Variants in MKRN2OS observed in about 807,000 individuals in gnomAD.
The protein encoded by MKRN2OS is MKRN2 opposite strand.
Under a neutral mutation model 18.2 loss-of-function variants are expected in MKRN2OS, and 17 were observed. The observed-to-expected ratio is 0.93, with a 90% CI of 0.64 to 1.40. The LOEUF (loss-of-function observed/expected upper bound fraction) is 1.40. Ranked by LOEUF, MKRN2OS falls within the 40% of genes most tolerant of loss-of-function variation. The pLI, the probability that MKRN2OS is intolerant of heterozygous loss-of-function variation, is 0.00. For synonymous variants in MKRN2OS, 121 were observed against 108.5 expected (o/e 1.12, Z -0.72); for missense variants, 337 against 283.0 (o/e 1.19, Z -1.37).
At chr3:12,544,597 G>A (rs937992154) in intron 1 of MKRN2OS, among the ~76,000 whole-genome samples, 8 of 151,670 alleles carry the variant, frequency 5.3e-5, no homozygotes, top group South Asian at 2.1e-4. Context: ...CCCGAAAATC[G>A]CTTGAACCCG....
chr3:12,547,880 A>G (rs2057898228), upstream of MKRN2OS, among the ~76,000 whole-genome samples: 1 of 152,262 alleles, frequency 6.6e-6, no homozygotes, highest in African/African-American at 2.4e-5. Flanking sequence ...GAGAATGATC[A>G]TCAGACTCAC....
At chr3:12,552,055 C>A (rs1163306595), downstream of MKRN2OS, among the ~76,000 whole-genome samples, 2 of 152,088 alleles carry the variant, frequency 1.3e-5, no homozygotes, top group African/African-American at 2.4e-5. Flanking sequence ...CACGGTGGCT[C>A]ACGCCTGTAA....
At position 12,545,421 on chromosome 3, in the gene MKRN2OS, T is replaced by C. The variant is rs1334906882; in HGVS notation, c.44A>G (p.His15Arg). 1 of 1,535,082 alleles carries C rather than the reference T, an allele frequency of 6.5e-7. No individual in the cohort carries two copies. The highest frequency in any genetic ancestry group is 1.2e-5 in the South Asian group (1 of 83,956). ...GAAGCTGTAGATGTATTTCTCACAG[T>C]GGTTGAATTTAATTAAAGCCTTCCC... ...EAGKALIKFN[H>R]CEKYIYSFSV... The change falls in exon 1 of 4, where the codon CAC becomes CGC. Residue 15 changes from histidine to arginine, a missense_variant. By Grantham distance (29) the His-to-Arg change is conservative. Transcript: ENST00000564146.
chr3:12,555,561 A>G (rs2057962135), intron 1 of MKRN2OS, among the ~76,000 whole-genome samples: 1 of 152,218 alleles, frequency 6.6e-6, no homozygotes, highest in Admixed American at 6.5e-5. Context: ...ACATGGAAAG[A>G]TCTCACAGAT....
At chr3:12,552,325 A>T (rs1380910218), downstream of MKRN2OS, among the ~76,000 whole-genome samples, 1 of 151,998 alleles carries the variant, frequency 6.6e-6, no homozygotes, top group Non-Finnish European at 1.5e-5. Flanking sequence ...CAAAAAAAAA[A>T]GCTTTCCAAA....
chr3:12,549,767 T>A (rs1339857658), upstream of MKRN2OS, among the ~76,000 whole-genome samples: 1 of 152,142 alleles, frequency 6.6e-6, no homozygotes, highest in Non-Finnish European at 1.5e-5. Context: ...TGCCCAGGCT[T>A]GTCTTGAACT....
upstream of MKRN2OS, among the ~76,000 whole-genome samples, chr3:12,549,137 T>G (rs562749988): frequency 1.2e-4 from 19 of 152,280 alleles, no homozygotes; most frequent in Admixed American, 2.6e-4. Flanking sequence ...GGTTTCTATA[T>G]TCTAATAGAG....
At chr3:12,557,032 T>TGCGCCGGCGG in intron 1 of MKRN2OS, 1 of 1,115,978 alleles carries the variant, frequency 9.0e-7, no homozygotes. Context: ...AGGGGCGGCG[T>TGCGCCGGCGG]GCGCCGGCGT....
chr3:12,546,598 T>TTTTTTTG (rs869055985), upstream of MKRN2OS, among the ~76,000 whole-genome samples: 3 of 132,024 alleles, frequency 2.3e-5, no homozygotes, highest in African/African-American at 9.9e-5. Context: ...TTTTTTTTTT[T>TTTTTTTG]GAGACAGAGT....
chr3:12,546,574 G>GTTTTTTTTT (rs1559382062), upstream of MKRN2OS, among the ~76,000 whole-genome samples: 1 of 125,056 alleles, frequency 8.0e-6, no homozygotes, highest in African/African-American at 3.3e-5. Context: ...GGGTACATGG[G>GTTTTTTTTT]ATTTTTTTTT....
At chr3:12,546,216 C>G (rs1157046181), upstream of MKRN2OS, among the ~76,000 whole-genome samples, 1 of 152,054 alleles carries the variant, frequency 6.6e-6, no homozygotes, top group Non-Finnish European at 1.5e-5. Flanking sequence ...TAAATAAATC[C>G]TTATTTAAGG....
chr3:12,555,774 G>T (rs1481558035), intron 1 of MKRN2OS, among the ~76,000 whole-genome samples: 1 of 152,108 alleles, frequency 6.6e-6, no homozygotes, highest in South Asian at 2.1e-4. Context: ...CTGCAGCCTC[G>T]ACTGCAGTGA....
intron 1 of MKRN2OS, among the ~76,000 whole-genome samples, chr3:12,555,797 G>C (rs767046322): frequency 3.3e-5 from 5 of 152,158 alleles, no homozygotes; most frequent in Non-Finnish European, 5.9e-5. Flanking sequence ...TATGCTCAAA[G>C]GATCCTTCCG....
chr3:12,544,263 C>T (rs556276109), intron 1 of MKRN2OS, among the ~76,000 whole-genome samples: 6 of 152,270 alleles, frequency 3.9e-5, no homozygotes, highest in East Asian at 1.9e-4. Flanking sequence ...ACTAATGATA[C>T]GCAGGAGCTG....
chr3:12,543,103 C>T (rs2057837849), intron 2 of MKRN2OS, 77 bp downstream of exon 2: 3 of 1,206,514 alleles, frequency 2.5e-6, no homozygotes, highest in Admixed American at 4.2e-5. Context: ...TAGATGTTGC[C>T]ATAATCAAAT....
At chr3:12,540,778 A>G (rs978355606) in intron 3 of MKRN2OS, among the ~76,000 whole-genome samples, 18 of 150,812 alleles carry the variant, frequency 1.2e-4, no homozygotes, top group Non-Finnish European at 1.8e-4. Context: ...AGGCTGAGGC[A>G]GGAGAATTGT....
intron 3 of MKRN2OS, 78 bp from the exon 4 acceptor site, chr3:12,540,511 A>T: frequency 2.0e-6 from 3 of 1,518,014 alleles, no homozygotes. Flanking sequence ...GCCTTTCCTA[A>T]CTGAAATCGG....
chr3:12,547,257 A>C (rs922981650), upstream of MKRN2OS, among the ~76,000 whole-genome samples: 1 of 152,138 alleles, frequency 6.6e-6, no homozygotes, highest in Non-Finnish European at 1.5e-5. Context: ...TTAAAGCTCA[A>C]TATTGGCTGG....
chr3:12,543,858 C>T (rs940926435), intron 1 of MKRN2OS, among the ~76,000 whole-genome samples: 3 of 150,936 alleles, frequency 2.0e-5, no homozygotes, highest in Admixed American at 6.6e-5. Context: ...CACCACTGCA[C>T]TCCACCCTGG....
Sources: gnomAD v4.1 joint callset for allele counts (sites outside exome capture counted in the v4.1 genomes callset) on GRCh38, gnomAD v4.1.1 for gene constraint, MANE v1.5 for transcripts, NCBI Gene and HGNC (gene_info 2026-07-23, HGNC 2026-07-21) for gene names.